Variants in MSI2 observed in about 807,000 individuals in gnomAD.
MSI2 encodes the protein musashi RNA binding protein 2, also known as RNA-binding protein Musashi homolog 2.
MSI2 carries 17 observed loss-of-function variants against 45.6 expected under a neutral mutation model. The observed-to-expected ratio is 0.37, with a 90% CI of 0.26 to 0.56. The LOEUF (loss-of-function observed/expected upper bound fraction) is 0.56, where lower values mean the gene tolerates loss of function less well. MSI2 is among the 20% of genes least tolerant of loss of function. The pLI is 0.77. For synonymous variants in MSI2, 156 were observed against 158.2 expected, an observed-to-expected ratio of 0.99 and a Z score of 0.11; for missense variants, 293 against 444.2, an observed-to-expected ratio of 0.66 and a Z score of 3.06.
chr17:57,347,703 C>G (rs1322743256), intron 5 of MSI2, among the ~76,000 whole-genome samples: 1 of 152,194 alleles, frequency 6.6e-6, no homozygotes, highest in Non-Finnish European at 1.5e-5. Flanking sequence ...CCTGGTTTCT[C>G]TCTTGGTAGA....
chr17:57,615,319 C>T lies in MSI2; in HGVS notation c.538-651C>T, dbSNP rs1373746178. Among the ~76,000 whole-genome samples, 4 of 151,702 alleles carry T rather than the reference C, an allele frequency of 2.6e-5. 1 individual carries two copies. The highest frequency in any genetic ancestry group is 7.3e-5 in the African/African-American group (3 of 41,248). The stretch of plus-strand genomic sequence containing the variant: ...GTTTTTTGTATTTTTTTAGTACAGA[C>T]GGGGTTTCACCATGTTGCCAGGCTG... On this transcript the variant is annotated intron_variant, in intron 8 of 13. Coordinates refer to ENST00000284073, the MANE Select transcript of MSI2 (RefSeq NM_138962.4).
chr17:57,618,887 A>G (rs1908005707), intron 9 of MSI2, among the ~76,000 whole-genome samples: 2 of 152,224 alleles, frequency 1.3e-5, no homozygotes, highest in Admixed American at 1.3e-4. Context: ...AAATAAAAAT[A>G]AGAAAGAGTT....
intron 7 of MSI2, among the ~76,000 whole-genome samples, chr17:57,543,967 G>A (rs996617839): frequency 2.0e-5 from 3 of 152,196 alleles, no homozygotes; most frequent in African/African-American, 7.2e-5. Context: ...GCCCCAGAGA[G>A]ATTGGTGAGC....
chr17:57,504,345 C>CA (rs2143892036), intron 6 of MSI2, among the ~76,000 whole-genome samples: 1 of 152,294 alleles, frequency 6.6e-6, no homozygotes, highest in East Asian at 1.9e-4. Flanking sequence ...GGAACACAGA[C>CA]AAAGTCATGT....
chr17:57,277,742 T>C (rs1908997652), intron 5 of MSI2, among the ~76,000 whole-genome samples: 1 of 152,226 alleles, frequency 6.6e-6, no homozygotes, highest in Non-Finnish European at 1.5e-5. Flanking sequence ...AGCATCTACC[T>C]GACAGGATTG....
intron 11 of MSI2, among the ~76,000 whole-genome samples, chr17:57,664,310 G>C (rs1912215254): frequency 6.6e-6 from 1 of 152,198 alleles, no homozygotes; most frequent in Non-Finnish European, 1.5e-5. Flanking sequence ...TTGAGGCCAG[G>C]AGTTTGAGAC....
chr17:57,580,177 G>T (rs1399741130), intron 7 of MSI2, among the ~76,000 whole-genome samples: 1 of 152,078 alleles, frequency 6.6e-6, no homozygotes, highest in Non-Finnish European at 1.5e-5. Flanking sequence ...CCTTAGCACT[G>T]ATTTTTCTGT....
At position 57,644,938 on chromosome 17, in the gene MSI2, A is replaced by G. The variant is rs565759724; in HGVS notation, c.728-7161A>G. Among the ~76,000 whole-genome samples the G allele has an allele frequency of 5.1e-4, 78 of 152,308 alleles. 1 individual carries two copies. In the South Asian group the frequency reaches 0.016, roughly 32 times the overall value. ...CACCAAAATAAGTAGCAACTGGGCC[A>G]GAACCATACCCCAGGCAGTCCACTC... is the stretch of plus-strand genomic sequence containing the variant. On this transcript the variant is annotated intron_variant, in intron 10 of 13. Coordinates refer to ENST00000284073, the MANE Select transcript of MSI2 (RefSeq NM_138962.4).
At chr17:57,632,807 G>C in intron 10 of MSI2, 1 of 1,065,240 alleles carries the variant, frequency 9.4e-7, no homozygotes, top group African/African-American at 1.6e-5. Flanking sequence ...TCCATTTGAT[G>C]CATTTGATGT....
intron 5 of MSI2, among the ~76,000 whole-genome samples, chr17:57,368,408 T>G (rs2083371997): frequency 6.6e-6 from 1 of 151,972 alleles, no homozygotes; most frequent in South Asian, 2.1e-4. Context: ...ATACAAAAAT[T>G]AGCTGGTCAT....
Position 57,563,741 on chromosome 17 carries a change from G to GGC in MSI2, c.455-33122_455-33121dup, listed in dbSNP as rs1410055465. 2.9e-3 allele frequency among the ~76,000 whole-genome samples: 292 copies of GGC among 100,996 alleles called. 3 individuals are homozygous for GGC. Among genetic ancestry groups the GGC allele is most frequent in the African/African-American group, 0.011 (245 of 21,652 alleles). The allele number at this position is 100,996 out of a possible 152,430, so 66.3% of individuals were successfully genotyped here. A position where few individuals can be genotyped will look rare whatever the true frequency, so the allele number is the denominator to read the frequency against. ...TCTCTTTCCCTCTCACACACACACA[G>GGC]GCGCGCACACACACACACACACACA... On this transcript the variant is annotated intron_variant, in intron 7 of 13. Coordinates refer to ENST00000284073, the MANE Select transcript of MSI2 (RefSeq NM_138962.4).
chr17:57,471,190 A>C (rs542309834), intron 6 of MSI2, among the ~76,000 whole-genome samples: 1 of 147,742 alleles, frequency 6.8e-6, no homozygotes, highest in South Asian at 2.2e-4. Flanking sequence ...TGCCTTCTGT[A>C]TTGACCTTTA....
At chr17:57,457,500 T>G (rs2085138622) in intron 6 of MSI2, among the ~76,000 whole-genome samples, 2 of 152,240 alleles carry the variant, frequency 1.3e-5, no homozygotes, top group African/African-American at 2.4e-5. Flanking sequence ...TTAAGGAGAC[T>G]AAATTATCTT....
intron 5 of MSI2, among the ~76,000 whole-genome samples, chr17:57,308,318 T>A (rs1387739370): frequency 6.6e-6 from 1 of 152,254 alleles, no homozygotes; most frequent in Admixed American, 6.5e-5. Context: ...GATAGAACAT[T>A]CCTAGCACAT....
At chr17:57,455,431 T>G (rs537421222) in intron 6 of MSI2, among the ~76,000 whole-genome samples, 2 of 152,188 alleles carry the variant, frequency 1.3e-5, no homozygotes, top group Non-Finnish European at 2.9e-5. Flanking sequence ...ACCAACTTCC[T>G]GTGCAGCCGC....
At chr17:57,442,479 G>A (rs1038526469) in intron 6 of MSI2, among the ~76,000 whole-genome samples, 1 of 152,244 alleles carries the variant, frequency 6.6e-6, no homozygotes, top group Admixed American at 6.5e-5. Context: ...TTCTTAAACA[G>A]CACGAGGTTT....
intron 6 of MSI2, chr17:57,444,720 A>T (rs2084864078): frequency 6.6e-6 from 1 of 152,172 alleles, no homozygotes. Flanking sequence ...GGCAGAAATG[A>T]TTATTCTGGT....
chr17:57,576,138 G>A (rs1032607567), intron 7 of MSI2, among the ~76,000 whole-genome samples: 2 of 152,158 alleles, frequency 1.3e-5, no homozygotes, highest in Admixed American at 6.5e-5. Context: ...ATTGATTCCT[G>A]TAATAATTAT....
intron 6 of MSI2, among the ~76,000 whole-genome samples, chr17:57,461,031 G>C (rs977430080): frequency 2.0e-5 from 3 of 152,158 alleles, no homozygotes; most frequent in Non-Finnish European, 4.4e-5. Flanking sequence ...AAATTTGATT[G>C]TCCTATGGGC....
Sources: gnomAD v4.1 joint callset for allele counts (sites outside exome capture counted in the v4.1 genomes callset) on GRCh38, gnomAD v4.1.1 for gene constraint, MANE v1.5 for transcripts, NCBI Gene and HGNC (gene_info 2026-07-23, HGNC 2026-07-21) for gene names.